The following DDR2 variants were observed in gnomAD, a reference collection of about 807,000 sequenced individuals.
DDR2 encodes discoidin domain-containing receptor 2.
Under a neutral mutation model 94.9 loss-of-function variants are expected in DDR2, and 27 were observed. The observed-to-expected ratio is 0.28, with a 90% confidence interval of 0.21 to 0.39. The LOEUF (loss-of-function observed/expected upper bound fraction) is 0.39, where lower values mean the gene tolerates loss of function less well. DDR2 is among the 10% of genes least tolerant of loss of function. The pLI is 1.00. For synonymous variants in DDR2, 382 were observed against 377.2 expected (o/e 1.01, Z -0.15); for missense variants, 783 against 1,076.0 (o/e 0.73, Z 3.81).
Position 162,776,341 on chromosome 1 carries a change from C to A in DDR2, c.2254C>A (p.Arg752Ser), listed in dbSNP as rs121964863. 6.2e-7 allele frequency: 1 copy of A among 1,614,074 alleles called. No individual in the cohort carries two copies. Among genetic ancestry groups the A allele is most frequent in the Non-Finnish European group, 8.5e-7 (1 of 1,179,962 alleles). The stretch of plus-strand genomic sequence containing the variant: ...CCAGGGCCGGGCAGTGCTCCCTATC[C>A]GCTGGATGTCTTGGGAGAGTATCTT... ...RIQGRAVLPIRWMSWESILLG... is the reference protein window; with the variant it reads ...RIQGRAVLPISWMSWESILLG... The change falls in exon 16 of 18, where the codon CGC becomes AGC. Residue 752 changes from arginine (R) to serine (S), a missense_variant. Arg to Ser is a moderately radical substitution (Grantham distance 110). Around this residue, in one of 2 missense-constraint regions of DDR2, gnomAD observed 264 missense variants for 428.2 expected, o/e 0.62. Coordinates refer to ENST00000367921, the MANE Select transcript of DDR2 (RefSeq NM_006182.4).
chr1:162,759,531 G>C (rs1433928927), intron 7 of DDR2, among the ~76,000 whole-genome samples: 1 of 152,090 alleles, frequency 6.6e-6, no homozygotes, highest in Non-Finnish European at 1.5e-5. Context: ...TATTAAATAA[G>C]ACATTGTTTA....
chr1:162,638,021 A>T (rs1455547183), intron 1 of DDR2, among the ~76,000 whole-genome samples: 2 of 151,884 alleles, frequency 1.3e-5, no homozygotes, highest in African/African-American at 2.4e-5. Flanking sequence ...ACTTTTTTTT[A>T]ATTTTTTTTA....
At chr1:162,667,020 A>G (rs904197270) in intron 2 of DDR2, among the ~76,000 whole-genome samples, 2 of 151,486 alleles carry the variant, frequency 1.3e-5, no homozygotes, top group African/African-American at 4.9e-5. Flanking sequence ...ATCATTTTCA[A>G]AATGGAACTA....
intron 3 of DDR2, among the ~76,000 whole-genome samples, chr1:162,729,493 G>A (rs145135975): frequency 0.014 from 2,062 of 148,010 alleles, 29 homozygotes; most frequent in African/African-American, 0.037. Flanking sequence ...ATGAGCCTAA[G>A]TGGGAGGTGA....
intron 2 of DDR2, among the ~76,000 whole-genome samples, chr1:162,694,533 C>A (rs1660099594): frequency 6.6e-6 from 1 of 152,118 alleles, no homozygotes; most frequent in Admixed American, 6.5e-5. Context: ...TAAACCTTGG[C>A]CAAGTCCCTG....
chr1:162,663,702 A>G (rs1408617141), intron 2 of DDR2, among the ~76,000 whole-genome samples: 2 of 152,110 alleles, frequency 1.3e-5, no homozygotes, highest in African/African-American at 4.8e-5. Context: ...ACTTGACTAC[A>G]CAAGAGGCTG....
chr1:162,750,819 C>T (rs1663152413), intron 3 of DDR2, among the ~76,000 whole-genome samples: 1 of 152,136 alleles, frequency 6.6e-6, no homozygotes, highest in African/African-American at 2.4e-5. Context: ...TGGAACAGAA[C>T]ACAGCCCTCA....
chr1:162,764,884 T>C (rs1663918995), intron 9 of DDR2, among the ~76,000 whole-genome samples: 1 of 152,012 alleles, frequency 6.6e-6, no homozygotes, highest in Admixed American at 6.6e-5. Flanking sequence ...CCTTTCAGAT[T>C]TGATTTTTAA....
At chr1:162,660,925 T>A (rs1201201035) in intron 2 of DDR2, among the ~76,000 whole-genome samples, 15 of 152,262 alleles carry the variant, frequency 9.9e-5, no homozygotes, top group Admixed American at 9.8e-4. Context: ...AAGTATTTAC[T>A]ATCTGGGACT....
chr1:162,656,854 T>TTTTTTTTTTTTTTC (rs1658005204), intron 2 of DDR2, among the ~76,000 whole-genome samples: 1 of 132,066 alleles, frequency 7.6e-6, no homozygotes, highest in Non-Finnish European at 1.6e-5. Flanking sequence ...TTTTTTATTT[T>TTTTTTTTTTTTTTC]TTTTGTTAAC....
chr1:162,714,953 T>C (rs1661094776), intron 2 of DDR2, among the ~76,000 whole-genome samples: 1 of 152,208 alleles, frequency 6.6e-6, no homozygotes. Flanking sequence ...AATAAGTGGG[T>C]AGAGAAGGGC....
intron 2 of DDR2, among the ~76,000 whole-genome samples, chr1:162,662,378 A>G (rs1031895513): frequency 2.0e-5 from 3 of 152,180 alleles, no homozygotes; most frequent in Non-Finnish European, 2.9e-5. Flanking sequence ...CATCCAGGTG[A>G]CATAACCACC....
chr1:162,631,267 C>T (rs1656549637), upstream of DDR2: 1 of 152,188 alleles, frequency 6.6e-6, no homozygotes, highest in African/African-American at 2.4e-5. Context: ...CTGCCCCTAA[C>T]TTACTATGGG....
upstream of DDR2, among the ~76,000 whole-genome samples, chr1:162,631,046 T>C (rs1656532992): frequency 6.6e-6 from 1 of 152,156 alleles, no homozygotes; most frequent in African/African-American, 2.4e-5. Flanking sequence ...ATGTTCTCCG[T>C]GTCCTTTTCT....
At chr1:162,729,296 ATATATTTT>A (rs1368859952) in intron 3 of DDR2, among the ~76,000 whole-genome samples, 30 of 33,054 alleles carry the variant, frequency 9.1e-4, no homozygotes, top group Admixed American at 2.2e-3. Context: ...ATATATATAT[ATATATTTT>A]TTTTTTTTTT....
intron 2 of DDR2, 64 bp from the exon 3 acceptor site, chr1:162,718,973 G>C (rs1661290807): frequency 6.7e-7 from 1 of 1,495,720 alleles, no homozygotes; most frequent in African/African-American, 1.4e-5. Context: ...CATGTTGGCA[G>C]TATCTGCCTC....
chr1:162,767,338 C>T lies in DDR2; in HGVS notation c.1272C>T (p.Phe424=), dbSNP rs1664047504. 6.2e-7 allele frequency: 1 copy of T among 1,613,882 alleles called. No homozygotes were observed. The highest frequency in any genetic ancestry group is 1.3e-5 in the African/African-American group (1 of 74,904). The change falls in exon 11 of 18, where the codon TTC becomes TTT. Residue 424 remains phenylalanine, a synonymous_variant. Coordinates refer to ENST00000367921, the MANE Select transcript of DDR2 (RefSeq NM_006182.4). ...TTGTCATCATCCTCTGGAGGCAGTT[C>T]TGGCAGAAAATGCTGGAGAAGGTGA... is the stretch of plus-strand genomic sequence containing the variant. ...AIIVIILWRQ[F]WQKMLEKASR... is the part of the protein sequence containing the mutation.
chr1:162,666,326 T>C (rs140512347), intron 2 of DDR2, among the ~76,000 whole-genome samples: 145 of 152,374 alleles, frequency 9.5e-4, no homozygotes, highest in African/African-American at 3.3e-3. Context: ...TATGCAGCTC[T>C]TGCTGGGACC....
Position 162,715,523 on chromosome 1 carries a change from A to T in DDR2, c.-27-3514A>T, listed in dbSNP as rs1000584408. On this transcript the variant is annotated intron_variant, in intron 2 of 17. Coordinates refer to ENST00000367921, the MANE Select transcript of DDR2 (RefSeq NM_006182.4). The stretch of plus-strand genomic sequence containing the variant: ...TGTGACTGAGGTGGAGAGGATGAGG[A>T]GAAGGGCAGCTCTGGTGAGGTAGGT... 2.0e-5 allele frequency among the ~76,000 whole-genome samples: 3 copies of T among 152,196 alleles called. No homozygotes were observed. In the South Asian group the frequency reaches 6.2e-4, roughly 32 times the overall value.
Sources: gnomAD v4.1 joint callset for allele counts (sites outside exome capture counted in the v4.1 genomes callset) on GRCh38, gnomAD v4.1.1 for gene constraint, gnomAD v4.1.1 regional missense constraint, MANE v1.5 for transcripts, NCBI Gene and HGNC (gene_info 2026-07-23, HGNC 2026-07-21) for gene names.